The following TTC39B variants were observed in gnomAD, a reference collection of about 807,000 sequenced individuals.
TTC39B encodes the protein tetratricopeptide repeat protein 39B.
In TTC39B, 92 loss-of-function variants were observed where a neutral mutation model predicts 96.6. That is an observed-to-expected ratio of 0.95 (90% CI 0.80 to 1.13). The LOEUF (loss-of-function observed/expected upper bound fraction) is 1.13, where lower values mean the gene tolerates loss of function less well. TTC39B is among the 50% of genes most tolerant of loss of function. The probability of loss-of-function intolerance (pLI) is 0.00; values close to 1 mark genes in which losing one functional copy is unlikely to be tolerated. For synonymous variants in TTC39B, 367 were observed against 299.4 expected (o/e 1.23, Z -2.33); for missense variants, 955 against 809.3 (o/e 1.18, Z -2.18).
chr9:15,182,043 C>T (rs1198522461), intron 17 of TTC39B, among the ~76,000 whole-genome samples: 3 of 152,178 alleles, frequency 2.0e-5, no homozygotes, highest in East Asian at 1.9e-4. Context: ...TTCTGAGTAT[C>T]GTGTAAAGGG....
rs374011350 is a variant in TTC39B at position 15,304,404 on chromosome 9, C to T, written c.240+2680G>A. Among the ~76,000 whole-genome samples, 109 of 152,312 alleles carry T rather than the reference C, an allele frequency of 7.2e-4. 2 individuals carry two copies. The East Asian group carries it at 0.01, about 14-fold the overall frequency. ...ACACACCATTATAATATCTAAGATG[C>T]TTGTGCTCCCCAATAACCAATTTTT... On this transcript the variant is annotated intron_variant, in intron 1 of 19. Coordinates refer to ENST00000512701, the Ensembl canonical transcript of TTC39B.
chr9:15,292,305 C>G (rs757311754), intron 1 of TTC39B, among the ~76,000 whole-genome samples: 8 of 152,168 alleles, frequency 5.3e-5, no homozygotes, highest in Admixed American at 2.0e-4. Context: ...TAAAAAGTTC[C>G]TGTCGCCTAG....
intron 1 of TTC39B, among the ~76,000 whole-genome samples, chr9:15,270,392 G>A (rs1823299308): frequency 6.6e-6 from 1 of 151,588 alleles, no homozygotes; most frequent in Admixed American, 6.6e-5. Flanking sequence ...CGGCAGCTCT[G>A]CAGACTCCCT....
intron 1 of TTC39B, among the ~76,000 whole-genome samples, chr9:15,288,537 T>C (rs1824063541): frequency 6.6e-6 from 1 of 151,964 alleles, no homozygotes; most frequent in Non-Finnish European, 1.5e-5. Context: ...TCCCACTCCA[T>C]CCCCCTTCCA....
intron 2 of TTC39B, among the ~76,000 whole-genome samples, chr9:15,242,450 G>A (rs998197916): frequency 5.3e-5 from 8 of 152,278 alleles, no homozygotes; most frequent in Admixed American, 2.0e-4. Context: ...AGGCCTGGTG[G>A]TGCATACCTG....
intron 16 of TTC39B, among the ~76,000 whole-genome samples, chr9:15,185,079 G>A (rs1396992833): frequency 6.6e-6 from 1 of 152,130 alleles, no homozygotes; most frequent in African/African-American, 2.4e-5. Context: ...TTATCGTAAT[G>A]CCTGGATCAT....
rs747581259 is a variant in TTC39B at position 15,190,537 on chromosome 9, T to C, written c.1105+17A>G. 5 of 1,598,898 alleles carry C rather than the reference T, an allele frequency of 3.1e-6. No homozygotes were observed. Among genetic ancestry groups the C allele is most frequent in the South Asian group, 2.2e-5 (2 of 90,708 alleles). ...AGACAATCAATGTTCAATGAAACAA[T>C]CTAATCCAGATCTTACCAAGTATTA... On this transcript the variant is annotated intron_variant, in intron 11 of 19. Coordinates refer to ENST00000512701, the Ensembl canonical transcript of TTC39B.
intron 17 of TTC39B, among the ~76,000 whole-genome samples, chr9:15,180,288 C>T (rs1818180150): frequency 1.3e-5 from 2 of 152,108 alleles, no homozygotes; most frequent in Non-Finnish European, 2.9e-5. Context: ...TATCACTTTC[C>T]CTTTTACATA....
chr9:15,177,457 A>C (rs1269823304), intron 18 of TTC39B, among the ~76,000 whole-genome samples: 1 of 152,234 alleles, frequency 6.6e-6, no homozygotes, highest in Non-Finnish European at 1.5e-5. Flanking sequence ...GTTGAGCTAT[A>C]AATACAGTTT....
chr9:15,247,806 T>A (rs1381263985), intron 2 of TTC39B, among the ~76,000 whole-genome samples: 1 of 151,650 alleles, frequency 6.6e-6, no homozygotes, highest in Non-Finnish European at 1.5e-5. Context: ...AGCATGATAT[T>A]TAGGAGTGCA....
At chr9:15,182,123 A>C (rs1387427604) in intron 17 of TTC39B, among the ~76,000 whole-genome samples, 184 bp downstream of exon 17, 1 of 152,160 alleles carries the variant, frequency 6.6e-6, no homozygotes, top group Non-Finnish European at 1.5e-5. Context: ...TCCAAGGTTC[A>C]TGCAGTTGCA....
At chr9:15,166,963 G>A (rs1443392873) in exon 20 of TTC39B, 3 of 97,736 alleles carry the variant, frequency 3.1e-5, no homozygotes, top group East Asian at 7.5e-4. Context: ...TGGGTAACAT[G>A]TGTCCACAAA....
At chr9:15,251,333 T>G (rs1402927129) in intron 2 of TTC39B, among the ~76,000 whole-genome samples, 2 of 151,848 alleles carry the variant, frequency 1.3e-5, no homozygotes, top group Non-Finnish European at 2.9e-5. Flanking sequence ...GAGGCCAAGG[T>G]GGGTGGATCA....
At chr9:15,289,742 T>C (rs1824114483) in intron 1 of TTC39B, among the ~76,000 whole-genome samples, 1 of 152,246 alleles carries the variant, frequency 6.6e-6, no homozygotes, top group African/African-American at 2.4e-5. Context: ...TCACTCGTAA[T>C]GGCTTAGAAA....
At chr9:15,226,348 T>G (rs1163440533) in intron 2 of TTC39B, among the ~76,000 whole-genome samples, 1 of 152,234 alleles carries the variant, frequency 6.6e-6, no homozygotes, top group Non-Finnish European at 1.5e-5. Flanking sequence ...AATAAAACTT[T>G]ATTAAAGATA....
At chr9:15,251,745 T>C (rs1280717013) in intron 2 of TTC39B, among the ~76,000 whole-genome samples, 6 of 115,590 alleles carry the variant, frequency 5.2e-5, no homozygotes, top group Non-Finnish European at 9.6e-5. Flanking sequence ...ATGTAGTATA[T>C]ATGGAGGGGA....
chr9:15,218,632 T>TAAAAAAAAAATATA (rs545882970), intron 3 of TTC39B, among the ~76,000 whole-genome samples: 64 of 105,152 alleles, frequency 6.1e-4, no homozygotes, highest in Middle Eastern at 5.1e-3. Flanking sequence ...TTAGTCTATT[T>TAAAAAAAAAATATA]TAAATATATA....
chr9:15,190,172 TGAAA>T (rs1243224449), intron 11 of TTC39B, among the ~76,000 whole-genome samples: 1 of 152,126 alleles, frequency 6.6e-6, no homozygotes, highest in Non-Finnish European at 1.5e-5. Flanking sequence ...AATTATTTAA[TGAAA>T]GAAACTACCC....
chr9:15,286,290 C>T (rs905694125), intron 1 of TTC39B, among the ~76,000 whole-genome samples: 1 of 152,248 alleles, frequency 6.6e-6, no homozygotes, highest in Non-Finnish European at 1.5e-5. Flanking sequence ...TAATCTGAAA[C>T]ATTTTCACAG....
Sources: gnomAD v4.1 joint callset for allele counts (sites outside exome capture counted in the v4.1 genomes callset) on GRCh38, gnomAD v4.1.1 for gene constraint, MANE v1.5 for transcripts, NCBI Gene and HGNC (gene_info 2026-07-23, HGNC 2026-07-21) for gene names.